DGKB: variants seen among roughly 807,000 people sequenced by gnomAD.
DGKB encodes diacylglycerol kinase beta.
DGKB carries 67 observed loss-of-function variants against 114.3 expected under a neutral mutation model. That is an observed-to-expected ratio of 0.59 (90% CI 0.48 to 0.72). The LOEUF (loss-of-function observed/expected upper bound fraction) is 0.72. Ranked by LOEUF, DGKB falls within the 30% of genes least tolerant of loss-of-function variation. The pLI is 0.00. For missense variants in DGKB, 907 were observed against 975.2 expected (o/e 0.93, Z 0.93); for synonymous variants, 398 against 323.1 (o/e 1.23, Z -2.49).
rs182471655 is a variant in DGKB, at chr7:14,436,230, C to T, written c.1835+41931G>A. Among the ~76,000 whole-genome samples, 375 of 152,212 alleles carry T rather than the reference C, an allele frequency of 2.5e-3. 1 individual carries two copies. Among genetic ancestry groups the T allele is most frequent in the African/African-American group, 8.4e-3 (350 of 41,546 alleles). On this transcript the variant is annotated intron_variant, in intron 21 of 25. Transcript: ENST00000402815. ...GGATCTCATGTTAAGTGTTATACTA[C>T]AGTAAAAGAAAATAAATCAGAGAAC...
intron 12 of DGKB, among the ~76,000 whole-genome samples, chr7:14,680,622 T>A (rs915872146): frequency 1.3e-5 from 2 of 151,820 alleles, no homozygotes; most frequent in African/African-American, 4.8e-5. Context: ...AAATGGAATA[T>A]AATACAAGGA....
At chr7:14,846,532 T>G (rs1586882090) in intron 1 of DGKB, among the ~76,000 whole-genome samples, 2 of 152,238 alleles carry the variant, frequency 1.3e-5, no homozygotes, top group Non-Finnish European at 2.9e-5. Flanking sequence ...CACATTCTTA[T>G]AGTCCCCGCC....
chr7:14,734,544 T>C lies in DGKB; in HGVS notation c.322+1497A>G, dbSNP rs545883887. ...AGTTTTCAAGAGGCTATATGACATA[T>C]GATCCAGTAACAGAAACATAGCACC... On this transcript the variant is annotated intron_variant, in intron 5 of 25. Transcript: ENST00000402815. 7.9e-5 allele frequency among the ~76,000 whole-genome samples: 12 copies of C among 152,328 alleles called. No individual in the cohort carries two copies. In the South Asian group the frequency reaches 1.2e-3, roughly 16 times the overall value.
intron 2 of DGKB, among the ~76,000 whole-genome samples, chr7:14,801,942 A>G (rs1043970316): frequency 2.0e-5 from 3 of 151,740 alleles, no homozygotes; most frequent in Non-Finnish European, 2.9e-5. Flanking sequence ...ACACACACAC[A>G]CACACGCACA....
In DGKB at chr7:14,494,539, T is replaced by C. The variant is rs535304579; in HGVS notation, c.1771-16314A>G. ...TTTTCAAATAAGCAGTATTTATGGG[T>C]TAACCACACTTATGGCTTAATATGG... is the stretch of plus-strand genomic sequence containing the variant. On this transcript the variant is annotated intron_variant, in intron 20 of 25. Transcript: ENST00000402815. 1.3e-3 allele frequency among the ~76,000 whole-genome samples: 192 copies of C among 152,010 alleles called. 1 individual carries two copies. The highest frequency in any genetic ancestry group is 4.4e-3 in the African/African-American group (183 of 41,526).
At chr7:14,251,723 G>T (rs970088282) in intron 23 of DGKB, among the ~76,000 whole-genome samples, 1 of 152,096 alleles carries the variant, frequency 6.6e-6, no homozygotes, top group Non-Finnish European at 1.5e-5. Context: ...GTCTGGGGAA[G>T]TATTTTTCCT....
rs71529364 is a variant in DGKB at position 14,471,224 on chromosome 7, A to G, written c.1835+6937T>C. On this transcript the variant is annotated intron_variant, in intron 21 of 25. Coordinates refer to ENST00000402815, the MANE Select transcript of DGKB (RefSeq NM_001350709.2). ...GGAATATATGTATATATACATATATATGTATGGAATATATGTATACATACA... is the reference window on the plus strand; with the variant it reads ...GGAATATATGTATATATACATATATGTGTATGGAATATATGTATACATACA... 2.1e-3 allele frequency among the ~76,000 whole-genome samples: 269 copies of G among 129,128 alleles called. 65 individuals are homozygous for G. Among genetic ancestry groups the G allele is most frequent in the African/African-American group, 3.9e-3 (117 of 29,888 alleles). 84.7% of individuals were successfully genotyped at this position (129,128 alleles called of 152,430 possible).
At chr7:14,358,147 A>G (rs1055398574) in intron 21 of DGKB, among the ~76,000 whole-genome samples, 2 of 152,156 alleles carry the variant, frequency 1.3e-5, no homozygotes, top group South Asian at 4.1e-4. Flanking sequence ...CTGCCTTGCT[A>G]GTTTGGGGAA....
chr7:14,923,617 T>C (rs1165190897), intron 1 of DGKB, among the ~76,000 whole-genome samples: 1 of 152,188 alleles, frequency 6.6e-6, no homozygotes, highest in Non-Finnish European at 1.5e-5. Flanking sequence ...TCATCCCTTT[T>C]GATATCTGGC....
chr7:14,838,722 C>T (rs775606501), intron 2 of DGKB, among the ~76,000 whole-genome samples: 7 of 152,166 alleles, frequency 4.6e-5, no homozygotes, highest in Non-Finnish European at 8.8e-5. Flanking sequence ...CACCATATAC[C>T]ATCTTCTCAG....
At position 14,860,692 on chromosome 7, in the gene DGKB, T is replaced by C. The variant is rs151115782; in HGVS notation, c.-187-19242A>G. ...GTTAGTTAGTTATTGATTTTGGAGT[T>C]TCAAAGCACACAGTTATACTATGTT... On this transcript the variant is annotated intron_variant, in intron 1 of 25. Coordinates refer to ENST00000402815, the MANE Select transcript of DGKB (RefSeq NM_001350709.2). Among the ~76,000 whole-genome samples, 405 of 151,984 alleles carry C rather than the reference T, an allele frequency of 2.7e-3. 1 individual carries two copies. Among genetic ancestry groups the C allele is most frequent in the African/African-American group, 9.3e-3 (385 of 41,510 alleles).
intron 2 of DGKB, among the ~76,000 whole-genome samples, chr7:14,760,219 C>G (rs980404364): frequency 6.6e-6 from 1 of 151,930 alleles, no homozygotes; most frequent in Non-Finnish European, 1.5e-5. Context: ...TGGCATTTTC[C>G]ATATTGTGAT....
chr7:14,526,140 T>C (rs1790604138), intron 20 of DGKB, among the ~76,000 whole-genome samples: 1 of 152,212 alleles, frequency 6.6e-6, no homozygotes, highest in South Asian at 2.1e-4. Context: ...TCTACTGGAA[T>C]TCCATGTGAT....
chr7:14,647,092 C>A (rs1026477543), intron 13 of DGKB, among the ~76,000 whole-genome samples: 3 of 151,486 alleles, frequency 2.0e-5, no homozygotes, highest in African/African-American at 7.3e-5. Context: ...ATAAAGAAAA[C>A]CTCAATAAAT....
chr7:14,259,879 T>C (rs1796504281), intron 23 of DGKB, among the ~76,000 whole-genome samples: 1 of 152,174 alleles, frequency 6.6e-6, no homozygotes, highest in Non-Finnish European at 1.5e-5. Context: ...TATAGGAATG[T>C]TTTATTGTTT....
At chr7:14,705,138 C>A (rs1481748147) in intron 6 of DGKB, among the ~76,000 whole-genome samples, 4 of 151,842 alleles carry the variant, frequency 2.6e-5, no homozygotes, top group Admixed American at 2.6e-4. Context: ...GCTGATGGAG[C>A]TGAAAACCAA....
intron 17 of DGKB, among the ~76,000 whole-genome samples, chr7:14,597,710 T>C (rs1204802274): frequency 6.6e-6 from 1 of 152,268 alleles, no homozygotes; most frequent in East Asian, 1.9e-4. Flanking sequence ...GAGAGATTTT[T>C]ACAGGGTTTT....
chr7:14,936,940 G>C (rs1317605030), intron 1 of DGKB, among the ~76,000 whole-genome samples: 1 of 149,692 alleles, frequency 6.7e-6, no homozygotes, highest in Non-Finnish European at 1.5e-5. Context: ...TTTCTCCCAT[G>C]GTGTAAATGA....
At chr7:14,487,055 A>T (rs1293341742) in intron 20 of DGKB, among the ~76,000 whole-genome samples, 1 of 152,202 alleles carries the variant, frequency 6.6e-6, no homozygotes, top group Non-Finnish European at 1.5e-5. Context: ...TCATCTTGTT[A>T]AGTAACACAT....
Sources: gnomAD v4.1 joint callset for allele counts (sites outside exome capture counted in the v4.1 genomes callset) on GRCh38, gnomAD v4.1.1 for gene constraint, MANE v1.5 for transcripts, NCBI Gene and HGNC (gene_info 2026-07-23, HGNC 2026-07-21) for gene names.